The following LTBP1 variants were observed in gnomAD, a reference collection of about 807,000 sequenced individuals.
The protein encoded by LTBP1 is latent transforming growth factor beta binding protein 1.
A neutral mutation model predicts 207.6 loss-of-function variants in LTBP1; 129 were observed. The observed-to-expected ratio is 0.62, with a 90% CI of 0.54 to 0.72. LTBP1 has a LOEUF of 0.72. LTBP1 is among the 30% of genes least tolerant of loss of function. The pLI, the probability that LTBP1 is intolerant of heterozygous loss-of-function variation, is 0.00. For missense variants in LTBP1, 2,281 were observed against 2,217.2 expected, an observed-to-expected ratio of 1.03 and a Z score of -0.58; for synonymous variants, 963 against 833.7, an observed-to-expected ratio of 1.16 and a Z score of -2.67.
At chr2:33,361,374 T>C in intron 27 of LTBP1, 55 bp from the exon 28 acceptor site, 1 of 1,146,374 alleles carries the variant, frequency 8.7e-7, no homozygotes, top group Non-Finnish European at 1.3e-6. Flanking sequence ...ATTTGAAACA[T>C]GCATTCATGG....
chr2:33,054,887 A>G (rs565899477), intron 3 of LTBP1, among the ~76,000 whole-genome samples: 1 of 152,224 alleles, frequency 6.6e-6, no homozygotes, highest in Admixed American at 6.5e-5. Flanking sequence ...CATCCTCTGG[A>G]GCAGTGCACC....
rs142842221 is a variant in LTBP1 at position 33,082,949 on chromosome 2, C to A, written c.864-27633C>A. Among the ~76,000 whole-genome samples, 58 of 152,150 alleles carry A rather than the reference C, an allele frequency of 3.8e-4. No homozygotes were observed. The South Asian group carries it at 4.8e-3, about 13-fold the overall frequency. On this transcript the variant is annotated intron_variant, in intron 3 of 33. Coordinates refer to ENST00000404816, the MANE Select transcript of LTBP1 (RefSeq NM_206943.4). ...AAGGTACTCCTGAGACAGAAAACCT[C>A]CCAGTTCTCCAGGCCCTTGGGCTCT...
At chr2:33,224,364 C>G (rs1160917137) in intron 9 of LTBP1, among the ~76,000 whole-genome samples, 1 of 152,186 alleles carries the variant, frequency 6.6e-6, no homozygotes, top group Non-Finnish European at 1.5e-5. Flanking sequence ...TCCAGAATGT[C>G]AGATGCTCCT....
intron 25 of LTBP1, among the ~76,000 whole-genome samples, chr2:33,343,914 C>G (rs1432754086): frequency 6.6e-6 from 1 of 152,126 alleles, no homozygotes; most frequent in Non-Finnish European, 1.5e-5. Context: ...TTATCAAATT[C>G]AAGACTTTAT....
intron 5 of LTBP1, among the ~76,000 whole-genome samples, chr2:33,182,675 A>T: frequency 1.3e-5 from 1 of 79,206 alleles, no homozygotes; most frequent in African/African-American, 5.1e-5. Context: ...AAAAAAAAGA[A>T]GAAAAGATGG....
chr2:33,109,246 G>A (rs2080248358), intron 3 of LTBP1, among the ~76,000 whole-genome samples: 1 of 152,212 alleles, frequency 6.6e-6, no homozygotes, highest in Non-Finnish European at 1.5e-5. Context: ...TTGTACGGTG[G>A]TGTTTTGGGT....
intron 24 of LTBP1, among the ~76,000 whole-genome samples, chr2:33,324,968 G>A (rs1573844175): frequency 6.6e-6 from 1 of 152,212 alleles, no homozygotes; most frequent in East Asian, 1.9e-4. Flanking sequence ...GCCTCCCAAA[G>A]TGCTGAGATT....
At chr2:33,319,861 G>T (rs974225603) in intron 24 of LTBP1, among the ~76,000 whole-genome samples, 1 of 152,206 alleles carries the variant, frequency 6.6e-6, no homozygotes, top group Non-Finnish European at 1.5e-5. Flanking sequence ...GTTAGTCATG[G>T]CTAATTAGGC....
intron 31 of LTBP1, among the ~76,000 whole-genome samples, chr2:33,385,324 A>T (rs1374033182): frequency 6.6e-6 from 1 of 152,186 alleles, no homozygotes; most frequent in Non-Finnish European, 1.5e-5. Flanking sequence ...TTACTGCACA[A>T]TTATTTGCCT....
At chr2:33,056,574 C>T in intron 3 of LTBP1, 1 of 422,022 alleles carries the variant, frequency 2.4e-6, no homozygotes, top group Non-Finnish European at 4.3e-6. Flanking sequence ...AAGAGTGAAG[C>T]CGCGGACCCT....
At chr2:33,299,403 G>A (rs963402195) in intron 20 of LTBP1, among the ~76,000 whole-genome samples, 1 of 152,066 alleles carries the variant, frequency 6.6e-6, no homozygotes, top group African/African-American at 2.4e-5. Flanking sequence ...TTGATCTATA[G>A]GACATGGTTT....
At chr2:33,334,182 G>A (rs1229309237) in intron 24 of LTBP1, among the ~76,000 whole-genome samples, 7 of 152,198 alleles carry the variant, frequency 4.6e-5, no homozygotes, top group Non-Finnish European at 7.3e-5. Context: ...CACAGCATGC[G>A]TAGATAAGTC....
chr2:33,000,996 T>A (rs1356315760), intron 2 of LTBP1, among the ~76,000 whole-genome samples: 1 of 134,994 alleles, frequency 7.4e-6, no homozygotes, highest in Non-Finnish European at 1.6e-5. Flanking sequence ...CTCTTTAAAG[T>A]TGGCAGTGTT....
intron 31 of LTBP1, among the ~76,000 whole-genome samples, chr2:33,378,640 G>A (rs940581527): frequency 6.6e-6 from 1 of 152,216 alleles, no homozygotes; most frequent in African/African-American, 2.4e-5. Context: ...CTGACTTTGA[G>A]AAAATCACTG....
intron 19 of LTBP1, 102 bp from the exon 20 acceptor site, chr2:33,293,058 T>A: frequency 8.4e-7 from 1 of 1,187,494 alleles, no homozygotes; most frequent in Non-Finnish European, 1.2e-6. Context: ...ATCTGCCTGG[T>A]CTTCTGAAGG....
chr2:33,299,105 CTCT>C (rs1407645140), intron 20 of LTBP1, among the ~76,000 whole-genome samples: 1 of 152,004 alleles, frequency 6.6e-6, no homozygotes, highest in African/African-American at 2.4e-5. Flanking sequence ...GAAACTCCCT[CTCT>C]ACTAAAAATA....
intron 3 of LTBP1, among the ~76,000 whole-genome samples, chr2:33,038,430 G>A (rs1477995647): frequency 2.6e-5 from 4 of 152,160 alleles, no homozygotes; most frequent in Non-Finnish European, 5.9e-5. Flanking sequence ...TGTAATCTAG[G>A]CATCCAGAAA....
chr2:32,952,143 G>A (rs1002249739), intron 2 of LTBP1, among the ~76,000 whole-genome samples: 18 of 152,192 alleles, frequency 1.2e-4, no homozygotes, highest in Admixed American at 9.8e-4. Flanking sequence ...AGAAAATAAG[G>A]TATCCCTTTG....
chr2:33,239,064 TTTTAGAA>T (rs2092190239), intron 9 of LTBP1, among the ~76,000 whole-genome samples: 1 of 152,202 alleles, frequency 6.6e-6, no homozygotes, highest in South Asian at 2.1e-4. Context: ...TATTTGACCA[TTTTAGAA>T]GAAGAGCAGT....
Sources: gnomAD v4.1 joint callset for allele counts (sites outside exome capture counted in the v4.1 genomes callset) on GRCh38, gnomAD v4.1.1 for gene constraint, MANE v1.5 for transcripts, NCBI Gene and HGNC (gene_info 2026-07-23, HGNC 2026-07-21) for gene names.